ZNF407: variants seen among roughly 807,000 people sequenced by gnomAD.
ZNF407 encodes the protein zinc finger protein 407.
Under a neutral mutation model 131.2 loss-of-function variants are expected in ZNF407, and 17 were observed. The observed-to-expected ratio is 0.13, with a 90% CI of 0.09 to 0.19. The LOEUF (loss-of-function observed/expected upper bound fraction) is 0.19, where lower values mean the gene tolerates loss of function less well. Ranked by LOEUF, ZNF407 falls within the 10% of genes least tolerant of loss-of-function variation. The pLI, the probability that ZNF407 is intolerant of heterozygous loss-of-function variation, is 1.00. For synonymous variants in ZNF407, 1,156 were observed against 1,062.0 expected (o/e 1.09, Z -1.72); for missense variants, 2,681 against 2,830.6 (o/e 0.95, Z 1.20).
At chr18:75,029,054 A>T (rs771480218) in intron 8 of ZNF407, among the ~76,000 whole-genome samples, 5 of 152,220 alleles carry the variant, frequency 3.3e-5, no homozygotes, top group Non-Finnish European at 1.5e-5. Flanking sequence ...AGCACAGCTA[A>T]CATCTCAGAT....
chr18:74,887,546 C>G (rs995086197), intron 6 of ZNF407, among the ~76,000 whole-genome samples: 114 of 152,052 alleles, frequency 7.5e-4, no homozygotes, highest in African/African-American at 2.6e-3. Flanking sequence ...CTATGCAAAA[C>G]CATGAATTAT....
intron 8 of ZNF407, among the ~76,000 whole-genome samples, chr18:75,059,156 C>G (rs1361794027): frequency 6.6e-6 from 1 of 152,160 alleles, no homozygotes; most frequent in Non-Finnish European, 1.5e-5. Flanking sequence ...CTGGAAGTGG[C>G]TTAACCCACC....
chr18:74,788,402 G>T (rs1034789787), intron 4 of ZNF407, among the ~76,000 whole-genome samples: 1 of 152,084 alleles, frequency 6.6e-6, no homozygotes, highest in Admixed American at 6.5e-5. Context: ...GGAAACTGCT[G>T]TGCACTTCTG....
intron 1 of ZNF407, among the ~76,000 whole-genome samples, chr18:74,624,917 G>T (rs1983720476): frequency 6.6e-6 from 1 of 152,172 alleles, no homozygotes; most frequent in South Asian, 2.1e-4. Context: ...TTCTGCTTGG[G>T]AGTATGATTC....
At chr18:74,605,342 C>T (rs536936699) in intron 1 of ZNF407, among the ~76,000 whole-genome samples, 2 of 152,158 alleles carry the variant, frequency 1.3e-5, no homozygotes, top group Non-Finnish European at 2.9e-5. Context: ...CTTCATCTCT[C>T]TGAGCCTCAG....
chr18:74,956,693 C>T (rs1568282471), intron 8 of ZNF407, among the ~76,000 whole-genome samples: 3 of 152,106 alleles, frequency 2.0e-5, no homozygotes, highest in South Asian at 4.2e-4. Context: ...CGTGTTGAGC[C>T]GTGACTGGAA....
rs1401216816 is a variant in ZNF407, at chr18:75,064,964, A to G, written c.*496A>G. 2 of 153,034 alleles carry G rather than the reference A, an allele frequency of 1.3e-5. No individual in the cohort carries two copies. Among genetic ancestry groups the G allele is most frequent in the African/African-American group, 4.8e-5 (2 of 41,464 alleles). 9.5% of individuals were successfully genotyped at this position (153,034 alleles called of 1,614,324 possible). On this transcript the variant is annotated 3_prime_UTR_variant, in exon 9 of 9. Coordinates refer to ENST00000299687, the MANE Select transcript of ZNF407 (RefSeq NM_017757.3). ...CTCTACTGGGCTAAAAATTGCAGCT[A>G]CAAGTGTTACCATCTTGAAGCAGTC...
chr18:74,835,629 GGTGTGTGTGTGTGT>G (rs60463192), intron 4 of ZNF407, among the ~76,000 whole-genome samples: 2 of 92,144 alleles, frequency 2.2e-5, no homozygotes, highest in Admixed American at 9.2e-5. Context: ...GACAGAGGGG[GGTGTGTGTGTGTGT>G]GTGTGTGTGT....
chr18:74,914,262 C>G (rs1014866497), intron 7 of ZNF407, among the ~76,000 whole-genome samples: 10 of 152,192 alleles, frequency 6.6e-5, no homozygotes, highest in African/African-American at 2.4e-4. Context: ...CAGCGGAAAG[C>G]CTGGTGACAC....
At chr18:74,787,343 A>G (rs187136242) in intron 4 of ZNF407, among the ~76,000 whole-genome samples, 58 of 152,318 alleles carry the variant, frequency 3.8e-4, no homozygotes, top group Non-Finnish European at 6.6e-4. Context: ...TCTAAATTCT[A>G]TGGGTAATTC....
rs796101371 is a variant in ZNF407, at chr18:74,765,247, T to G, written c.4803-16181T>G. On this transcript the variant is annotated intron_variant, in intron 3 of 8. Coordinates refer to ENST00000299687, the MANE Select transcript of ZNF407 (RefSeq NM_017757.3). ...TTATTGTTCCCTAATTTTAATATCTTTGTTCATTCTGGGTTGGTTGTATTT... is the reference window on the plus strand; with the variant it reads ...TTATTGTTCCCTAATTTTAATATCTGTGTTCATTCTGGGTTGGTTGTATTT... 5.3e-5 allele frequency among the ~76,000 whole-genome samples: 8 copies of G among 152,314 alleles called. 1 individual carries two copies. Among genetic ancestry groups the G allele is most frequent in the African/African-American group, 1.9e-4 (8 of 41,576 alleles).
intron 8 of ZNF407, among the ~76,000 whole-genome samples, chr18:75,006,577 T>C (rs1052664055): frequency 6.6e-6 from 1 of 152,192 alleles, no homozygotes; most frequent in Admixed American, 6.5e-5. Flanking sequence ...ATTTTCCTCC[T>C]TATTATTAAT....
At chr18:74,602,728 A>G (rs371633201) in intron 1 of ZNF407, among the ~76,000 whole-genome samples, 2 of 152,284 alleles carry the variant, frequency 1.3e-5, no homozygotes, top group East Asian at 1.9e-4. Flanking sequence ...CCGAACCCCT[A>G]TTTTTAGTCA....
At chr18:74,819,266 T>C (rs748802482) in intron 4 of ZNF407, among the ~76,000 whole-genome samples, 3 of 152,226 alleles carry the variant, frequency 2.0e-5, no homozygotes, top group African/African-American at 7.2e-5. Context: ...ATCACAGTTA[T>C]TGTAAGATGC....
intron 3 of ZNF407, among the ~76,000 whole-genome samples, chr18:74,719,485 C>T (rs1372560317): frequency 6.6e-6 from 1 of 152,186 alleles, no homozygotes; most frequent in South Asian, 2.1e-4. Context: ...CTGCAAGCTC[C>T]GCCTCCCGGG....
chr18:75,012,411 A>C (rs754109280), intron 8 of ZNF407, among the ~76,000 whole-genome samples: 6 of 150,774 alleles, frequency 4.0e-5, no homozygotes, highest in African/African-American at 7.3e-5. Context: ...GTGTACGTAC[A>C]CATAGTGTAT....
At chr18:74,837,128 T>C (rs1282375941) in intron 4 of ZNF407, among the ~76,000 whole-genome samples, 2 of 152,186 alleles carry the variant, frequency 1.3e-5, no homozygotes, top group African/African-American at 2.4e-5. Context: ...TAAAACCTAC[T>C]ATTAAATGTG....
chr18:74,806,196 G>T (rs1785889556), intron 4 of ZNF407, among the ~76,000 whole-genome samples: 1 of 152,196 alleles, frequency 6.6e-6, no homozygotes, highest in Non-Finnish European at 1.5e-5. Flanking sequence ...GTGACTGCAG[G>T]CCCACACCTT....
chr18:74,924,718 A>G (rs1334667774), intron 8 of ZNF407, among the ~76,000 whole-genome samples: 1 of 152,100 alleles, frequency 6.6e-6, no homozygotes, highest in Non-Finnish European at 1.5e-5. Context: ...AACCCCAGAG[A>G]AAGGGGAGTG....
Sources: gnomAD v4.1 joint callset for allele counts (sites outside exome capture counted in the v4.1 genomes callset) on GRCh38, gnomAD v4.1.1 for gene constraint, MANE v1.5 for transcripts, NCBI Gene and HGNC (gene_info 2026-07-23, HGNC 2026-07-21) for gene names.